TCF12: variants seen among roughly 807,000 people sequenced by gnomAD.
TCF12 encodes the protein transcription factor 12.
A neutral mutation model predicts 86.0 loss-of-function variants in TCF12; 45 were observed. The ratio of observed to expected loss-of-function variants is 0.52; its 90% CI spans 0.41 to 0.67. The LOEUF (loss-of-function observed/expected upper bound fraction) is 0.67, where lower values mean the gene tolerates loss of function less well. TCF12 is among the 30% of genes least tolerant of loss of function. The probability of loss-of-function intolerance (pLI) is 0.00; values close to 1 mark genes in which losing one functional copy is unlikely to be tolerated. For synonymous variants in TCF12, 330 were observed against 299.6 expected (o/e 1.10, Z -1.05); for missense variants, 881 against 859.9 (o/e 1.02, Z -0.31).
At chr15:57,039,888 A>G (rs2141436421) in intron 3 of TCF12, among the ~76,000 whole-genome samples, 1 of 152,320 alleles carries the variant, frequency 6.6e-6, no homozygotes, top group East Asian at 1.9e-4. Context: ...GTCAGAAGTC[A>G]TGATTGCCTG....
At chr15:57,249,740 G>A (rs553764091) in intron 13 of TCF12, among the ~76,000 whole-genome samples, 1 of 152,270 alleles carries the variant, frequency 6.6e-6, no homozygotes, top group East Asian at 1.9e-4. Context: ...GTTCTAGTGT[G>A]AGACAAATTA....
chr15:57,186,253 C>G (rs1167544721), intron 6 of TCF12, among the ~76,000 whole-genome samples: 1 of 152,192 alleles, frequency 6.6e-6, no homozygotes, highest in Non-Finnish European at 1.5e-5. Context: ...AATCCTAGCA[C>G]TTTGGCAGGC....
rs1424398709 is a variant in TCF12 at position 57,107,938 on chromosome 15, G to C, written c.325+16047G>C. 2.0e-5 allele frequency among the ~76,000 whole-genome samples: 3 copies of C among 151,958 alleles called. No individual in the cohort carries two copies. The East Asian group carries it at 5.8e-4, about 29-fold the overall frequency. ...AAATAAATAAAATACATACAAACATGCATTCTGAAGATCCATGAATTTCTA... is the reference window on the plus strand; with the variant it reads ...AAATAAATAAAATACATACAAACATCCATTCTGAAGATCCATGAATTTCTA... On this transcript the variant is annotated intron_variant, in intron 5 of 20. Transcript: ENST00000333725.
intron 4 of TCF12, among the ~76,000 whole-genome samples, chr15:57,073,991 C>T (rs1447138888): frequency 3.3e-5 from 5 of 152,150 alleles, no homozygotes; most frequent in African/African-American, 1.2e-4. Context: ...ACCTCATGAT[C>T]CGCCTGTCTC....
chr15:57,149,933 A>G (rs1391485569), intron 5 of TCF12, among the ~76,000 whole-genome samples: 2 of 152,306 alleles, frequency 1.3e-5, no homozygotes, highest in South Asian at 2.1e-4. Flanking sequence ...TCTAAGAGGT[A>G]TAAAAACCTT....
At chr15:57,031,164 T>C (rs1202347093) in intron 3 of TCF12, among the ~76,000 whole-genome samples, 2 of 152,244 alleles carry the variant, frequency 1.3e-5, no homozygotes, top group African/African-American at 2.4e-5. Flanking sequence ...GCTCTCTCTA[T>C]ATTTTTCTGC....
At chr15:56,942,292 A>G (rs1167688842) in intron 3 of TCF12, among the ~76,000 whole-genome samples, 1 of 152,252 alleles carries the variant, frequency 6.6e-6, no homozygotes, top group Non-Finnish European at 1.5e-5. Context: ...AAAAATATAA[A>G]TGCCACTTTT....
At chr15:56,976,403 T>G (rs940276371) in intron 3 of TCF12, among the ~76,000 whole-genome samples, 3 of 151,280 alleles carry the variant, frequency 2.0e-5, no homozygotes. Flanking sequence ...GCTAATTTTT[T>G]TTTTTAAATA....
At chr15:57,205,030 C>T (rs527911290) in intron 8 of TCF12, among the ~76,000 whole-genome samples, 8 of 152,132 alleles carry the variant, frequency 5.3e-5, no homozygotes, top group African/African-American at 1.4e-4. Context: ...TTATCCGGCC[C>T]GGCCAGGCGC....
chr15:57,195,369 C>T (rs1170256363), intron 7 of TCF12, among the ~76,000 whole-genome samples: 1 of 152,172 alleles, frequency 6.6e-6, no homozygotes, highest in Non-Finnish European at 1.5e-5. Flanking sequence ...CTAAACTAAT[C>T]TTTTACTAAT....
At chr15:56,951,482 A>G (rs1247759299) in intron 3 of TCF12, among the ~76,000 whole-genome samples, 1 of 152,046 alleles carries the variant, frequency 6.6e-6, no homozygotes, top group Non-Finnish European at 1.5e-5. Context: ...GATATTTTCT[A>G]CTAGGTGGAT....
intron 19 of TCF12, among the ~76,000 whole-genome samples, chr15:57,275,720 G>A (rs2061370543): frequency 6.6e-6 from 1 of 152,024 alleles, no homozygotes; most frequent in Admixed American, 6.6e-5. Flanking sequence ...ACCTATTTGG[G>A]CATCCTCTGC....
chr15:57,255,118 T>C (rs1299717402), intron 16 of TCF12, among the ~76,000 whole-genome samples: 1 of 152,238 alleles, frequency 6.6e-6, no homozygotes, highest in Non-Finnish European at 1.5e-5. Context: ...AATGATTTTT[T>C]AATTCTTCAC....
intron 5 of TCF12, among the ~76,000 whole-genome samples, chr15:57,107,098 C>T (rs552921368): frequency 1.3e-5 from 2 of 152,294 alleles, no homozygotes; most frequent in South Asian, 2.1e-4. Flanking sequence ...AATTAATCCA[C>T]ACAGTAATAT....
intron 3 of TCF12, among the ~76,000 whole-genome samples, chr15:56,970,064 G>T (rs1412288288): frequency 6.6e-6 from 1 of 152,204 alleles, no homozygotes; most frequent in Non-Finnish European, 1.5e-5. Flanking sequence ...AGGTCATGTG[G>T]ACAGACTAGT....
At chr15:57,223,651 T>TG (rs2058717613) in intron 8 of TCF12, among the ~76,000 whole-genome samples, 1 of 139,196 alleles carries the variant, frequency 7.2e-6, no homozygotes, top group Non-Finnish European at 1.6e-5. Context: ...AGGTTTTTTT[T>TG]TTTTTTTTTT....
Position 57,100,799 on chromosome 15 carries a change from A to G in TCF12, c.325+8908A>G, listed in dbSNP as rs552426991. ...ATTAGCAGTAGCTTGATTAGTGGTC[A>G]TGGTATTTATGTAAGTTTTAATTAG... On this transcript the variant is annotated intron_variant, in intron 5 of 20. Transcript: ENST00000333725. Among the ~76,000 whole-genome samples, 3 of 152,346 alleles carry G rather than the reference A, an allele frequency of 2.0e-5. No individual in the cohort carries two copies. In the East Asian group the frequency reaches 5.8e-4, roughly 29 times the overall value.
At chr15:57,158,139 G>A (rs1443013487) in intron 5 of TCF12, among the ~76,000 whole-genome samples, 1 of 150,996 alleles carries the variant, frequency 6.6e-6, no homozygotes, top group African/African-American at 2.4e-5. Context: ...TGAATGTTTT[G>A]CATCCTAGAA....
intron 5 of TCF12, among the ~76,000 whole-genome samples, chr15:57,125,118 C>G (rs1380744537): frequency 1.3e-5 from 2 of 152,174 alleles, no homozygotes; most frequent in Non-Finnish European, 2.9e-5. Context: ...ACAGATCCCA[C>G]TGAGGACAGA....
Sources: allele counts gnomAD v4.1 joint callset (sites outside exome capture counted in the v4.1 genomes callset), GRCh38; gene constraint gnomAD v4.1.1; transcripts MANE v1.5; gene names NCBI Gene and HGNC (gene_info 2026-07-23, HGNC 2026-07-21).